Variants in CDH4 observed in about 807,000 individuals in gnomAD.
CDH4 encodes the protein cadherin-4.
A neutral mutation model predicts 86.0 loss-of-function variants in CDH4; 33 were observed. The ratio of observed to expected loss-of-function variants is 0.38; its 90% CI spans 0.29 to 0.51. CDH4 has a LOEUF of 0.51. Ranked by LOEUF, CDH4 falls within the 20% of genes least tolerant of loss-of-function variation. The pLI is 0.86. For missense variants in CDH4, 1,114 were observed against 1,307.4 expected, an observed-to-expected ratio of 0.85 and a Z score of 2.28; for synonymous variants, 555 against 549.4, an observed-to-expected ratio of 1.01 and a Z score of -0.14.
At chr20:61,617,149 G>A (rs1041519393) in intron 2 of CDH4, among the ~76,000 whole-genome samples, 10 of 152,098 alleles carry the variant, frequency 6.6e-5, no homozygotes, top group Admixed American at 1.3e-4. Flanking sequence ...ACCCACCACC[G>A]CCCTCTGTGC....
At chr20:61,293,168 C>T (rs1481767467) in intron 2 of CDH4, among the ~76,000 whole-genome samples, 1 of 152,214 alleles carries the variant, frequency 6.6e-6, no homozygotes, top group Non-Finnish European at 1.5e-5. Flanking sequence ...TTTGCTCCTT[C>T]TAGCTGTCCC....
At chr20:61,677,686 C>T (rs1021615228) in intron 2 of CDH4, among the ~76,000 whole-genome samples, 21 of 151,640 alleles carry the variant, frequency 1.4e-4, no homozygotes, top group Middle Eastern at 3.4e-3. Flanking sequence ...GACAGACGGA[C>T]GGACGGACAG....
intron 2 of CDH4, among the ~76,000 whole-genome samples, chr20:61,410,312 C>T (rs1163776337): frequency 2.6e-5 from 4 of 152,252 alleles, no homozygotes; most frequent in Admixed American, 2.0e-4. Context: ...TCATTCCTCC[C>T]GTTAGTCTCT....
At chr20:61,927,023 G>A (rs1013935118) in intron 11 of CDH4, among the ~76,000 whole-genome samples, 10 of 152,222 alleles carry the variant, frequency 6.6e-5, no homozygotes, top group East Asian at 1.9e-4. Flanking sequence ...GTGCTTCTCC[G>A]ATCACGTGCC....
chr20:61,751,685 G>A (rs2088498317), intron 3 of CDH4, among the ~76,000 whole-genome samples: 1 of 152,210 alleles, frequency 6.6e-6, no homozygotes, highest in African/African-American at 2.4e-5. Context: ...ATTTTAAAGG[G>A]TTATGTAAGT....
At chr20:61,873,121 C>G (rs1983876540) in intron 6 of CDH4, among the ~76,000 whole-genome samples, 1 of 152,230 alleles carries the variant, frequency 6.6e-6, no homozygotes, top group Admixed American at 6.5e-5. Flanking sequence ...CTCACCGAGC[C>G]CCTCTGAAAT....
At chr20:61,904,516 G>A (rs539630547) in intron 8 of CDH4, among the ~76,000 whole-genome samples, 1 of 152,114 alleles carries the variant, frequency 6.6e-6, no homozygotes, top group Non-Finnish European at 1.5e-5. Flanking sequence ...TGTCCCCCTG[G>A]TCTCTCGGCA....
At position 61,551,295 on chromosome 20, in the gene CDH4, G is replaced by A. The variant is rs150535307; in HGVS notation, c.170-192268G>A. On this transcript the variant is annotated intron_variant, in intron 2 of 15. Coordinates refer to ENST00000614565, the MANE Select transcript of CDH4 (RefSeq NM_001794.5). ...GCCTTGTCCTCACTGTCTTGTCTCC[G>A]CCTTGGTCACATCAACTTGGTCTTG... Among the ~76,000 whole-genome samples the A allele has an allele frequency of 7.5e-4, 114 of 152,266 alleles. 1 individual carries two copies. The East Asian group carries it at 0.019, about 25-fold the overall frequency.
rs1429410349 is a variant in CDH4, at chr20:61,408,540, C to A, written c.169+153603C>A. On this transcript the variant is annotated intron_variant, in intron 2 of 15. Transcript: ENST00000614565. The stretch of plus-strand genomic sequence containing the variant: ...CAGAAGAGAAGGGTAAAGCTACCCT[C>A]CTCCAGATGTTGCATTGCCTGTGTG... Among the ~76,000 whole-genome samples, 3 of 152,158 alleles carry A rather than the reference C, an allele frequency of 2.0e-5. No individual in the cohort carries two copies. The East Asian group carries it at 5.8e-4, about 29-fold the overall frequency.
intron 9 of CDH4, among the ~76,000 whole-genome samples, chr20:61,911,593 G>A (rs6061383): frequency 6.6e-6 from 1 of 151,660 alleles, no homozygotes; most frequent in Non-Finnish European, 1.5e-5. Flanking sequence ...AGGATCTGCC[G>A]AAGCGTAAGG....
At position 61,264,644 on chromosome 20, in the gene CDH4, A is replaced by G. The variant is rs1430010706; in HGVS notation, c.169+9707A>G. Among the ~76,000 whole-genome samples the G allele has an allele frequency of 6.6e-5, 9 of 137,376 alleles. No homozygotes were observed. In the East Asian group the frequency reaches 1.5e-3, roughly 23 times the overall value. The allele number at this position is 137,376 out of a possible 152,430, so 90.1% of individuals were successfully genotyped here. A position where few individuals can be genotyped will look rare whatever the true frequency, so the allele number is the denominator to read the frequency against. The stretch of plus-strand genomic sequence containing the variant: ...CATATCTCAGTGGTTCCTTCATTCA[A>G]TCTTACACATACCTCAGTGGCTCCT... On this transcript the variant is annotated intron_variant, in intron 2 of 15. Coordinates refer to ENST00000614565, the MANE Select transcript of CDH4 (RefSeq NM_001794.5).
chr20:61,749,357 G>T (rs576142868), intron 3 of CDH4, among the ~76,000 whole-genome samples: 3 of 152,286 alleles, frequency 2.0e-5, no homozygotes. Flanking sequence ...CAATTAACAG[G>T]TCTGGCTTTA....
At chr20:61,277,091 C>G (rs2084235264) in intron 2 of CDH4, among the ~76,000 whole-genome samples, 1 of 152,172 alleles carries the variant, frequency 6.6e-6, no homozygotes, top group Admixed American at 6.5e-5. Context: ...GCTGAGCTTG[C>G]TAGAACTTGC....
At chr20:61,586,327 C>T (rs1043034101) in intron 2 of CDH4, among the ~76,000 whole-genome samples, 2 of 152,150 alleles carry the variant, frequency 1.3e-5, no homozygotes, top group African/African-American at 4.8e-5. Context: ...CTGCACCTAA[C>T]ACTCTCCAGC....
chr20:61,653,575 C>G (rs1438731767), intron 2 of CDH4, among the ~76,000 whole-genome samples: 2 of 143,080 alleles, frequency 1.4e-5, no homozygotes, highest in Admixed American at 6.9e-5. Context: ...CTGACCCCCA[C>G]CTCCCTCCCG....
Position 61,769,764 on chromosome 20 carries a change from C to T in CDH4, c.397-3239C>T, listed in dbSNP as rs116778675. On this transcript the variant is annotated intron_variant, in intron 3 of 15. Transcript: ENST00000614565. ...GCCTGGAGCCTGGAACCTGAGTGCA[C>T]GCCACATCTATTACCATTGTTCCTG... 1.7e-3 allele frequency among the ~76,000 whole-genome samples: 255 copies of T among 152,316 alleles called. 4 individuals are homozygous for T. The highest frequency in any genetic ancestry group is 5.7e-3 in the African/African-American group (238 of 41,556).
At chr20:61,852,083 G>A (rs929299045) in intron 5 of CDH4, among the ~76,000 whole-genome samples, 6 of 152,104 alleles carry the variant, frequency 3.9e-5, no homozygotes, top group African/African-American at 7.2e-5. Context: ...TTCCTGTGAC[G>A]TTCCCAGGAG....
intron 10 of CDH4, 49 bp from the exon 11 acceptor site, chr20:61,924,284 GC>G: frequency 2.6e-6 from 4 of 1,562,552 alleles, no homozygotes; most frequent in Non-Finnish European, 2.6e-6. Context: ...ATCCAGGGCA[GC>G]CCCGCCCACC....
chr20:61,773,232 G>A, intron 4 of CDH4, 50 bp downstream of exon 4: 1 of 1,464,708 alleles, frequency 6.8e-7, no homozygotes, highest in Non-Finnish European at 9.1e-7. Flanking sequence ...GTTAGCAGTA[G>A]GCTCTTCTCC....
Sources: gnomAD v4.1 joint callset for allele counts (sites outside exome capture counted in the v4.1 genomes callset) on GRCh38, gnomAD v4.1.1 for gene constraint, MANE v1.5 for transcripts, NCBI Gene and HGNC (gene_info 2026-07-23, HGNC 2026-07-21) for gene names.